The following QRICH1 variants were observed in gnomAD, a reference collection of about 807,000 sequenced individuals.
QRICH1 encodes transcriptional regulator QRICH1.
A neutral mutation model predicts 87.1 loss-of-function variants in QRICH1; 16 were observed. That is an observed-to-expected ratio of 0.18 (90% CI 0.12 to 0.28). The LOEUF (loss-of-function observed/expected upper bound fraction) is 0.28, where lower values mean the gene tolerates loss of function less well. Ranked by LOEUF, QRICH1 falls within the 10% of genes least tolerant of loss-of-function variation. The pLI, the probability that QRICH1 is intolerant of heterozygous loss-of-function variation, is 1.00. For synonymous variants in QRICH1, 367 were observed against 368.4 expected (o/e 1.00, Z 0.05); for missense variants, 647 against 951.7 (o/e 0.68, Z 4.21).
At chr3:49,042,999 CAAT>C (rs1409066166) in intron 6 of QRICH1, among the ~76,000 whole-genome samples, 9 of 152,048 alleles carry the variant, frequency 5.9e-5, no homozygotes, top group Non-Finnish European at 1.2e-4. Context: ...ACGTACAACA[CAAT>C]AATATAGTTC....
intron 6 of QRICH1, among the ~76,000 whole-genome samples, chr3:49,042,009 G>C (rs2093313141): frequency 6.7e-6 from 1 of 149,488 alleles, no homozygotes. Flanking sequence ...CTGGTCTCAA[G>C]TGATCCACCT....
At position 49,090,458 on chromosome 3, in the gene QRICH1, CAA is replaced by C. The variant is rs11425427; in HGVS notation, c.-22+3452_-22+3453del. ...TGGGCAGCAGAGCGAGACTACGTCT[CAA>C]AAAAAAAAAAAAAAAAAATTAGCCC... On this transcript the variant is annotated intron_variant, in intron 1 of 9. Coordinates refer to ENST00000395443, the MANE Select transcript of QRICH1 (RefSeq NM_198880.3). Among the ~76,000 whole-genome samples, 524 of 96,092 alleles carry C rather than the reference CAA, an allele frequency of 5.5e-3. 3 individuals carry two copies. The highest frequency in any genetic ancestry group is 0.021 in the African/African-American group (485 of 23,240). The allele number at this position is 96,092 out of a possible 152,430, so 63.0% of individuals were successfully genotyped here.
At chr3:49,043,322 C>T (rs2093321324) in intron 6 of QRICH1, among the ~76,000 whole-genome samples, 1 of 149,056 alleles carries the variant, frequency 6.7e-6, no homozygotes, top group South Asian at 2.1e-4. Context: ...ATGATGAAAC[C>T]CTGTCTCTAG....
intron 1 of QRICH1, among the ~76,000 whole-genome samples, chr3:49,081,692 G>A (rs1172590495): frequency 6.6e-6 from 1 of 152,206 alleles, no homozygotes; most frequent in East Asian, 1.9e-4. Context: ...AGAGAGACAG[G>A]GTTTTGCCAT....
rs532152687 is a variant in QRICH1 at position 49,069,292 on chromosome 3, C to T, written c.309+7417G>A. Among the ~76,000 whole-genome samples the T allele has an allele frequency of 5.8e-3, 879 of 150,928 alleles. 10 individuals carry two copies. The highest frequency in any genetic ancestry group is 0.02 in the African/African-American group (830 of 41,204). On this transcript the variant is annotated intron_variant, in intron 2 of 9. Coordinates refer to ENST00000395443, the MANE Select transcript of QRICH1 (RefSeq NM_198880.3). ...TACTTTTTTGTATTTTTAGTAGAGA[C>T]GGGGTTTCACCATCTTGGCCAGGCT... is the stretch of plus-strand genomic sequence containing the variant.
intron 2 of QRICH1, among the ~76,000 whole-genome samples, chr3:49,075,152 T>G (rs2041925869): frequency 6.8e-6 from 1 of 148,000 alleles, no homozygotes; most frequent in Admixed American, 6.8e-5. Context: ...GGAGACTATA[T>G]CTCTACAAAA....
intron 8 of QRICH1, 160 bp from the exon 9 acceptor site, chr3:49,032,433 A>G: frequency 1.2e-6 from 1 of 854,080 alleles, no homozygotes; most frequent in Non-Finnish European, 1.8e-6. Flanking sequence ...GGGAAGAGGC[A>G]GCTATTCTGT....
intron 2 of QRICH1, among the ~76,000 whole-genome samples, chr3:49,069,078 GA>G (rs1384650093): frequency 6.8e-6 from 1 of 147,616 alleles, no homozygotes; most frequent in Non-Finnish European, 1.5e-5. Flanking sequence ...GCCTCAAGTA[GA>G]AAATTTATTA....
At chr3:49,060,032 G>A (rs915323154) in intron 2 of QRICH1, among the ~76,000 whole-genome samples, 2 of 150,238 alleles carry the variant, frequency 1.3e-5, no homozygotes, top group African/African-American at 2.5e-5. Context: ...CTACAGGTGC[G>A]TGCCACCACG....
chr3:49,046,717 A>T, intron 4 of QRICH1, 138 bp from the exon 5 acceptor site: 1 of 974,300 alleles, frequency 1.0e-6, no homozygotes, highest in Non-Finnish European at 1.5e-6. Flanking sequence ...CTGTAATGTC[A>T]GAACTGGCCT....
chr3:49,062,271 G>T (rs2093439456), intron 2 of QRICH1, among the ~76,000 whole-genome samples: 1 of 151,298 alleles, frequency 6.6e-6, no homozygotes, highest in African/African-American at 2.4e-5. Flanking sequence ...GGAGGTGGAA[G>T]CTAGTGAGCC....
chr3:49,080,565 C>T (rs2042038873), intron 1 of QRICH1, among the ~76,000 whole-genome samples: 2 of 152,074 alleles, frequency 1.3e-5, no homozygotes, highest in South Asian at 2.1e-4. Context: ...GAAAAACCTT[C>T]GTGACTATTG....
At chr3:49,043,544 G>A (rs1369032110) in intron 6 of QRICH1, among the ~76,000 whole-genome samples, 2 of 108,870 alleles carry the variant, frequency 1.8e-5, no homozygotes, top group Non-Finnish European at 3.9e-5. Context: ...AACAAAAATA[G>A]GCCAGGCACG....
intron 1 of QRICH1, among the ~76,000 whole-genome samples, chr3:49,088,242 C>T (rs530714527): frequency 3.3e-5 from 5 of 150,258 alleles, no homozygotes; most frequent in Admixed American, 6.6e-5. Flanking sequence ...CGTGAGCCAC[C>T]GTGCCCGACC....
Position 49,057,929 on chromosome 3 carries a change from G to A in QRICH1, c.310-39C>T, listed in dbSNP as rs781047979. The A allele has an allele frequency of 6.2e-7, 1 of 1,613,774 alleles. No homozygotes were observed. Among genetic ancestry groups the A allele is most frequent in the East Asian group, 2.2e-5 (1 of 44,884 alleles). On this transcript the variant is annotated intron_variant, in intron 2 of 9. Transcript: ENST00000395443. The surrounding 1 kb of genome is among the most constrained non-coding windows in gnomAD (Gnocchi z 5.4). ...GATTCATCAGTGAGTGAACCAGGCA[G>A]CACTGAAAATCCAGTACCCAAGGAA...
At position 49,039,446 on chromosome 3, in the gene QRICH1, C is replaced by T. The variant is rs537846131; in HGVS notation, c.1786+4944G>A. Among the ~76,000 whole-genome samples, 272 of 144,314 alleles carry T rather than the reference C, an allele frequency of 1.9e-3. 1 individual carries two copies. The highest frequency in any genetic ancestry group is 6.5e-3 in the African/African-American group (254 of 39,036). 94.7% of individuals were successfully genotyped at this position (144,314 alleles called of 152,430 possible). On this transcript the variant is annotated intron_variant, in intron 6 of 9. Coordinates refer to ENST00000395443, the MANE Select transcript of QRICH1 (RefSeq NM_198880.3). The stretch of plus-strand genomic sequence containing the variant: ...CTGAAATCCCAGCACTTCGGGAGGC[C>T]GAGGCGGGCCGATCACTTGAGGCCA...
At chr3:49,032,494 GA>G in intron 8 of QRICH1, 127 bp downstream of exon 8, 1 of 1,262,188 alleles carries the variant, frequency 7.9e-7, no homozygotes, top group Non-Finnish European at 1.1e-6. Context: ...TGGCTGGGGA[GA>G]AGGGAGTGGA....
intron 6 of QRICH1, among the ~76,000 whole-genome samples, chr3:49,035,993 GA>G (rs1286251452): frequency 6.6e-6 from 1 of 151,894 alleles, no homozygotes; most frequent in Non-Finnish European, 1.5e-5. Flanking sequence ...CTGAGAGGTA[GA>G]AGGATTGCTT....
At chr3:49,032,478 A>G in intron 8 of QRICH1, 144 bp downstream of exon 8, 1 of 1,163,956 alleles carries the variant, frequency 8.6e-7, no homozygotes, top group South Asian at 1.6e-5. Context: ...GAAAGTTTGG[A>G]ATTTTTGGCT....
Sources: allele counts gnomAD v4.1 joint callset (sites outside exome capture counted in the v4.1 genomes callset), GRCh38; gene constraint gnomAD v4.1.1; non-coding constraint Gnocchi (gnomAD v3.1); transcripts MANE v1.5; gene names NCBI Gene and HGNC (gene_info 2026-07-23, HGNC 2026-07-21).